PCDHGB6: variants seen among roughly 807,000 people sequenced by gnomAD.
PCDHGB6 encodes the protein protocadherin gamma-B6.
PCDHGB6 carries 51 observed loss-of-function variants against 59.1 expected under a neutral mutation model. The observed-to-expected ratio is 0.86, with a 90% CI of 0.69 to 1.09. The LOEUF is 1.09. Among genes scored for constraint, PCDHGB6 ranks in the 50% least tolerant of loss-of-function variants. The pLI is 0.00. For synonymous variants in PCDHGB6, 466 were observed against 495.1 expected (o/e 0.94, Z 0.78); for missense variants, 1,148 against 1,205.1 (o/e 0.95, Z 0.70).
At chr5:141,419,623 G>A in intron 1 of PCDHGB6, 1 of 1,612,328 alleles carries the variant, frequency 6.2e-7, no homozygotes, top group East Asian at 2.2e-5. Context: ...GCTACCTGGT[G>A]ACCAAGGTGG....
At position 141,511,983 on chromosome 5, in the gene PCDHGB6, G is replaced by A. The variant is rs904146751; in HGVS notation, c.*810G>A. 6.5e-6 allele frequency: 1 copy of A among 153,280 alleles called. No homozygotes were observed. The highest frequency in any genetic ancestry group is 1.5e-5 in the Non-Finnish European group (1 of 68,572). The allele number at this position is 153,280 out of a possible 1,614,324, so 9.5% of individuals were successfully genotyped here. A position where few individuals can be genotyped will look rare whatever the true frequency, so the allele number is the denominator to read the frequency against. ...AGGGAAGTGTGTGGATGTGGATGGT[G>A]GGGGCATGGACAAAGCTTGACACAT... On this transcript the variant is annotated 3_prime_UTR_variant, in exon 4 of 4. Coordinates refer to ENST00000520790, the MANE Select transcript of PCDHGB6 (RefSeq NM_018926.3).
At chr5:141,419,762 AAGGACTCG>A (rs1468964539) in intron 1 of PCDHGB6, 2 of 1,614,008 alleles carry the variant, frequency 1.2e-6, no homozygotes, top group South Asian at 2.2e-5. Context: ...TTTGGGTGAC[AAGGACTCG>A]GTCCGCCAGC....
intron 1 of PCDHGB6, chr5:141,428,212 C>A (rs1295973505): frequency 8.0e-7 from 1 of 1,255,000 alleles, no homozygotes; most frequent in Non-Finnish European, 1.1e-6. Context: ...TACGCTTCAC[C>A]TAGTCTTCGC....
intron 2 of PCDHGB6, among the ~76,000 whole-genome samples, chr5:141,495,250 A>G (rs557893500): frequency 6.6e-6 from 1 of 152,188 alleles, no homozygotes; most frequent in Non-Finnish European, 1.5e-5. Context: ...CCTGGGGCTC[A>G]GGCAGAAAAG....
At chr5:141,455,634 G>C (rs1429708887) in intron 1 of PCDHGB6, among the ~76,000 whole-genome samples, 1 of 152,110 alleles carries the variant, frequency 6.6e-6, no homozygotes. Context: ...GAGATATGTG[G>C]GGGGCAGCCA....
chr5:141,422,172 C>A, intron 1 of PCDHGB6: 2 of 1,564,780 alleles, frequency 1.3e-6, no homozygotes, highest in Non-Finnish European at 1.7e-6. Context: ...AATATAGATT[C>A]TATGAGATGG....
chr5:141,419,420 G>C (rs774685112), intron 1 of PCDHGB6: 10 of 1,613,372 alleles, frequency 6.2e-6, no homozygotes, highest in Non-Finnish European at 7.6e-6. Flanking sequence ...GCGCGCCTTC[G>C]ACCACGAGCA....
chr5:141,432,503 G>T lies in PCDHGB6; in HGVS notation c.2418+21883G>T, dbSNP rs939325676. 8.7e-6 allele frequency: 14 copies of T among 1,613,988 alleles called. No homozygotes were observed. The highest frequency in any genetic ancestry group is 1.3e-5 in the African/African-American group (1 of 74,930). ...TGGCGTGGAGCTGGCTCCCCGCTCC[G>T]CAGAGCCCGGCTACCTGGTGACCAA... On this transcript the variant is annotated intron_variant, in intron 1 of 3. Transcript: ENST00000520790. The surrounding 1 kb of genome is among the most constrained non-coding windows in gnomAD (Gnocchi z 6.0).
intron 1 of PCDHGB6, chr5:141,424,767 A>T (rs139479155): frequency 2.9e-4 from 44 of 152,290 alleles, no homozygotes; most frequent in African/African-American, 1.0e-3. Flanking sequence ...TTCTTATGGC[A>T]AATAGTACAT....
rs2099883782 is a variant in PCDHGB6 at position 141,511,420 on chromosome 5, G to C, written c.*247G>C. The C allele has an allele frequency of 1.2e-6, 1 of 830,744 alleles. No homozygotes were observed. The allele number at this position is 830,744 out of a possible 1,614,324, so 51.5% of individuals were successfully genotyped here. On this transcript the variant is annotated 3_prime_UTR_variant, in exon 4 of 4. Transcript: ENST00000520790. ...TCCAATCAACTGCTGTACCCATGGG[G>C]GTAGTGGGGTTACTGTAGACACCAA...
intron 1 of PCDHGB6, among the ~76,000 whole-genome samples, chr5:141,439,104 A>G (rs924055175): frequency 6.6e-6 from 1 of 151,676 alleles, no homozygotes; most frequent in African/African-American, 2.4e-5. Flanking sequence ...GAGGCAAGAG[A>G]ATCACTTGAA....
At chr5:141,419,464 C>T (rs199965876) in intron 1 of PCDHGB6, 35 of 1,612,542 alleles carry the variant, frequency 2.2e-5, no homozygotes, top group Middle Eastern at 1.7e-4. Context: ...TGCAGGCCCG[C>T]GACCAGGGCT....
At position 141,431,418 on chromosome 5, in the gene PCDHGB6, C is replaced by G. The variant is rs571505529; in HGVS notation, c.2418+20798C>G. On this transcript the variant is annotated intron_variant, in intron 1 of 3. Transcript: ENST00000520790. The surrounding 1 kb of genome is among the most constrained non-coding windows in gnomAD (Gnocchi z 4.8). ...CTTACGGCCTCCGACGGGGGCGACC[C>G]GGTGCGCACAGGCACCGCGCGCATC... is the stretch of plus-strand genomic sequence containing the variant. 6.8e-6 allele frequency: 11 copies of G among 1,613,588 alleles called. No homozygotes were observed. In the South Asian group the frequency reaches 1.1e-4, roughly 16 times the overall value.
chr5:141,501,328 CACACA>C (rs1562200832), intron 2 of PCDHGB6, among the ~76,000 whole-genome samples: 17 of 151,710 alleles, frequency 1.1e-4, no homozygotes, highest in African/African-American at 1.9e-4. Context: ...CACACACACA[CACACA>C]CCCCAAACTC....
chr5:141,489,080 C>CCCA lies in PCDHGB6; in HGVS notation c.2419-5727_2419-5726insCCA. On this transcript the variant is annotated intron_variant, in intron 1 of 3. Coordinates refer to ENST00000520790, the MANE Select transcript of PCDHGB6 (RefSeq NM_018926.3). This position sits in a 1 kb window ranked among gnomAD's most constrained non-coding sequence, Gnocchi z 4.5. ...TCCCCTCCCCCCTGCCCACCCCCGC[C>CCCA]ACTCGGTGACTAAGAACTGCTGCAA... 3.0e-6 allele frequency: 1 copy of CCCA among 336,172 alleles called. No individual in the cohort carries two copies. The highest frequency in any genetic ancestry group is 5.5e-5 in the East Asian group (1 of 18,342). 20.8% of individuals were successfully genotyped at this position (336,172 alleles called of 1,614,324 possible).
chr5:141,421,695 T>C (rs374319762), intron 1 of PCDHGB6: 15 of 1,613,840 alleles, frequency 9.3e-6, no homozygotes, highest in Non-Finnish European at 1.2e-5. Context: ...TTGCTCTTCC[T>C]AATGCTAGGG....
intron 1 of PCDHGB6, among the ~76,000 whole-genome samples, chr5:141,458,338 G>A (rs1160200932): frequency 2.6e-5 from 4 of 152,134 alleles, no homozygotes; most frequent in African/African-American, 9.7e-5. Context: ...GTTTTAAGGA[G>A]TGGAGAGTTT....
Position 141,432,039 on chromosome 5 carries a change from G to C in PCDHGB6, c.2418+21419G>C. ...AACATCACAGTGACCGCCACTGACC[G>C]GGGAACCCCGCCCCTATCCACGGAA... On this transcript the variant is annotated intron_variant, in intron 1 of 3. Transcript: ENST00000520790. This position sits in a 1 kb window ranked among gnomAD's most constrained non-coding sequence, Gnocchi z 6.0. 6.2e-7 allele frequency: 1 copy of C among 1,614,176 alleles called. No homozygotes were observed. Among genetic ancestry groups the C allele is most frequent in the Non-Finnish European group, 8.5e-7 (1 of 1,180,028 alleles).
At chr5:141,417,532 T>C (rs2096129143) in intron 1 of PCDHGB6, 1 of 284,726 alleles carries the variant, frequency 3.5e-6, no homozygotes, top group African/African-American at 2.2e-5. Flanking sequence ...ACTCGTAGTT[T>C]AAAAAAAATT....
Sources: gnomAD v4.1 joint callset for allele counts (sites outside exome capture counted in the v4.1 genomes callset) on GRCh38, gnomAD v4.1.1 for gene constraint, Gnocchi (gnomAD v3.1) non-coding constraint, MANE v1.5 for transcripts, NCBI Gene and HGNC (gene_info 2026-07-23, HGNC 2026-07-21) for gene names.